The following RBL2 variants were observed in gnomAD, a reference collection of about 807,000 sequenced individuals.
RBL2 encodes RB transcriptional corepressor like 2.
A neutral mutation model predicts 126.0 loss-of-function variants in RBL2; 56 were observed. The ratio of observed to expected loss-of-function variants is 0.44; its 90% confidence interval spans 0.36 to 0.56. RBL2 has a LOEUF of 0.56. RBL2 is among the 20% of genes least tolerant of loss of function. The pLI, the probability that RBL2 is intolerant of heterozygous loss-of-function variation, is 0.00. For missense variants in RBL2, 1,229 were observed against 1,398.2 expected (o/e 0.88, Z 1.93); for synonymous variants, 454 against 478.5 (o/e 0.95, Z 0.67).
intron 12 of RBL2, 185 bp downstream of exon 12, chr16:53,464,548 A>T (rs2058253427): frequency 2.1e-6 from 1 of 479,446 alleles, no homozygotes; most frequent in East Asian, 3.7e-5. Context: ...TTAATATTGT[A>T]TGAAAGATCT....
At position 53,481,843 on chromosome 16, in the gene RBL2, T is replaced by C. The variant is rs745751868; in HGVS notation, c.3249+8T>C. 3.8e-6 allele frequency: 6 copies of C among 1,567,998 alleles called. No homozygotes were observed. In the South Asian group the frequency reaches 5.5e-5, roughly 14 times the overall value. ...AGCAACAGTCCTTCAAAGGTGAGCC[T>C]AACATCAATCTTGGCCTTTACTAAC... On this transcript the variant is annotated splice_region_variant and intron_variant, in intron 21 of 21. Transcript: ENST00000262133.
At position 53,486,228 on chromosome 16, in the gene RBL2, G is replaced by A. The variant is rs137924033; in HGVS notation, c.3250-3902G>A. Among the ~76,000 whole-genome samples, 927 of 152,082 alleles carry A rather than the reference G, an allele frequency of 6.1e-3. 10 individuals carry two copies. The highest frequency in any genetic ancestry group is 0.021 in the African/African-American group (854 of 41,454). ...AGGTGGGAGGGTTGCTAGAGCCTGCGTGGTCAAGGCTGCAGTGAGCTGTGA... is the reference window on the plus strand; with the variant it reads ...AGGTGGGAGGGTTGCTAGAGCCTGCATGGTCAAGGCTGCAGTGAGCTGTGA... On this transcript the variant is annotated intron_variant, in intron 21 of 21. Transcript: ENST00000262133.
chr16:53,436,788 A>C (rs1189515197), intron 1 of RBL2, among the ~76,000 whole-genome samples: 1 of 152,234 alleles, frequency 6.6e-6, no homozygotes, highest in African/African-American at 2.4e-5. Flanking sequence ...ACTGTATGGC[A>C]GAGCCGGAAT....
In RBL2 at chr16:53,462,902, A is replaced by G. The variant is rs140246223; in HGVS notation, c.1560+247A>G. ...GTCGCCAAGGCTGGAGTGTAGTGGC[A>G]CGATCTCGGCTCAATGCAACCTCCG... On this transcript the variant is annotated intron_variant, in intron 11 of 21. Coordinates refer to ENST00000262133, the MANE Select transcript of RBL2 (RefSeq NM_005611.4). 8.4e-3 allele frequency among the ~76,000 whole-genome samples: 1,280 copies of G among 152,258 alleles called. 21 individuals carry two copies. The highest frequency in any genetic ancestry group is 0.029 in the African/African-American group (1,194 of 41,544).
Position 53,434,732 on chromosome 16 carries a change from A to G in RBL2, c.176A>G (p.Asp59Gly). The G allele has an allele frequency of 1.3e-6, 2 of 1,549,282 alleles. No individual in the cohort carries two copies. The highest frequency in any genetic ancestry group is 1.4e-5 in the African/African-American group (1 of 72,906). The change falls in exon 1 of 22, where the codon GAC (aspartate) becomes GGC (glycine). Residue 59 changes from aspartate (D) to glycine (G), a missense_variant. By Grantham distance (94) the Asp-to-Gly change is moderately conservative (BLOSUM62 -1). This residue lies in a region of RBL2 where 159 missense variants were observed against 123.9 expected (regional missense o/e 1.28). Coordinates refer to ENST00000262133, the MANE Select transcript of RBL2 (RefSeq NM_005611.4). ...GAGCTGTGCAGCCGCCTCAACATGGACGAGGCGGCGCGGGCCGAGGCCTGG... is the reference window on the plus strand; with the variant it reads ...GAGCTGTGCAGCCGCCTCAACATGGGCGAGGCGGCGCGGGCCGAGGCCTGG... Reference protein sequence around the residue: ...FDELCSRLNMDEAARAEAWDS... With the variant: ...FDELCSRLNMGEAARAEAWDS...
At chr16:53,470,976 A>G in intron 17 of RBL2, 54 bp downstream of exon 17, 2 of 1,510,136 alleles carry the variant, frequency 1.3e-6, no homozygotes, top group Non-Finnish European at 1.8e-6. Context: ...TACTGAGAAC[A>G]TTTTTTAACC....
intron 20 of RBL2, 108 bp from the exon 21 acceptor site, chr16:53,481,563 C>A: frequency 2.0e-6 from 2 of 1,009,638 alleles, no homozygotes; most frequent in South Asian, 1.9e-5. Flanking sequence ...ATCACTCTGT[C>A]ATTCATAAAA....
chr16:53,461,232 C>T (rs886676224), intron 9 of RBL2, among the ~76,000 whole-genome samples: 3 of 152,208 alleles, frequency 2.0e-5, no homozygotes, highest in African/African-American at 7.2e-5. Context: ...GTGGCTCATT[C>T]CTGTAATCCT....
intron 3 of RBL2, chr16:53,445,668 T>C (rs954708453): frequency 6.6e-6 from 1 of 152,210 alleles, no homozygotes; most frequent in Admixed American, 6.5e-5. Context: ...TCTCACACAC[T>C]ATCTGAAAAT....
chr16:53,475,727 T>C (rs1450535689), intron 17 of RBL2, among the ~76,000 whole-genome samples: 1 of 152,000 alleles, frequency 6.6e-6, no homozygotes, highest in Non-Finnish European at 1.5e-5. Flanking sequence ...TGGTTTAAGA[T>C]GGATGTTTAG....
At chr16:53,445,620 G>A (rs915516831) in intron 3 of RBL2, among the ~76,000 whole-genome samples, 1 of 152,128 alleles carries the variant, frequency 6.6e-6, no homozygotes, top group African/African-American at 2.4e-5. Context: ...AACTGACTGC[G>A]GGAACCCATG....
At chr16:53,465,124 A>G (rs922799325) in intron 12 of RBL2, among the ~76,000 whole-genome samples, 2 of 152,338 alleles carry the variant, frequency 1.3e-5, no homozygotes, top group South Asian at 2.1e-4. Flanking sequence ...CTTAACTCTC[A>G]TAAGATAGTC....
intron 8 of RBL2, among the ~76,000 whole-genome samples, chr16:53,458,022 G>GA (rs1170072899): frequency 6.6e-6 from 1 of 152,184 alleles, no homozygotes; most frequent in African/African-American, 2.4e-5. Flanking sequence ...GTAAGGCAGG[G>GA]AGCAGCCTTT....
chr16:53,464,182 T>C, intron 11 of RBL2, 44 bp from the exon 12 acceptor site: 1 of 1,428,930 alleles, frequency 7.0e-7, no homozygotes, highest in Non-Finnish European at 9.4e-7. Flanking sequence ...AATGACTTTT[T>C]AGACTAAGTA....
intron 5 of RBL2, among the ~76,000 whole-genome samples, chr16:53,452,905 A>T (rs1472256689): frequency 6.6e-6 from 1 of 152,094 alleles, no homozygotes; most frequent in Non-Finnish European, 1.5e-5. Flanking sequence ...CCTGGACTCA[A>T]GCGATGTACC....
intron 21 of RBL2, among the ~76,000 whole-genome samples, chr16:53,483,808 C>CG: frequency 6.7e-6 from 1 of 150,354 alleles, no homozygotes; most frequent in Middle Eastern, 3.5e-3. Flanking sequence ...ATCCCGGAGG[C>CG]AAAGTTTGCA....
chr16:53,470,641 C>G lies in RBL2; in HGVS notation c.2504C>G (p.Ser835Cys). ...AGTAATAGACCCAGGAAGACCAGCTCTTTATCGCTTTTCTTTAGAAAGGTA... is the reference window on the plus strand; with the variant it reads ...AGTAATAGACCCAGGAAGACCAGCTGTTTATCGCTTTTCTTTAGAAAGGTA... Reference protein sequence around the residue: ...SSSNRPRKTSSLSLFFRKVYH... With the variant: ...SSSNRPRKTSCLSLFFRKVYH... The change falls in exon 16 of 22, where the codon TCT becomes TGT. Residue 835 changes from serine (S) to cysteine (C), a missense_variant. By Grantham distance (112) the Ser-to-Cys change is moderately radical (BLOSUM62 -1). Around this residue, in one of 2 missense-constraint regions of RBL2, gnomAD observed 1,070 missense variants for 1,274.3 expected, o/e 0.84. Transcript: ENST00000262133. 1 of 1,614,012 alleles carries G rather than the reference C, an allele frequency of 6.2e-7. No individual in the cohort carries two copies. The highest frequency in any genetic ancestry group is 8.5e-7 in the Non-Finnish European group (1 of 1,179,874).
At chr16:53,451,621 ATAATAAG>A in intron 4 of RBL2, 75 bp from the exon 5 acceptor site, 2 of 1,473,190 alleles carry the variant, frequency 1.4e-6, no homozygotes, top group Non-Finnish European at 1.9e-6. Context: ...TTGTAATGTC[ATAATAAG>A]TAAAGGAAGA....
intron 5 of RBL2, among the ~76,000 whole-genome samples, chr16:53,452,566 C>T (rs1253978066): frequency 6.6e-6 from 1 of 152,092 alleles, no homozygotes; most frequent in Non-Finnish European, 1.5e-5. Flanking sequence ...TAATGTTCCT[C>T]ATATTCTTTT....
Sources: gnomAD v4.1 joint callset for allele counts (sites outside exome capture counted in the v4.1 genomes callset) on GRCh38, gnomAD v4.1.1 for gene constraint, gnomAD v4.1.1 regional missense constraint, MANE v1.5 for transcripts, NCBI Gene and HGNC (gene_info 2026-07-23, HGNC 2026-07-21) for gene names.